The following ST8SIA1 variants were observed in gnomAD, a reference collection of about 807,000 sequenced individuals.
The protein encoded by ST8SIA1 is alpha-N-acetylneuraminide alpha-2,8-sialyltransferase.
A neutral mutation model predicts 35.9 loss-of-function variants in ST8SIA1; 16 were observed. The observed-to-expected ratio is 0.45, with a 90% CI of 0.30 to 0.68. The LOEUF is 0.68. Ranked by LOEUF, ST8SIA1 falls within the 30% of genes least tolerant of loss-of-function variation. The probability of loss-of-function intolerance (pLI) is 0.09; values close to 1 mark genes in which losing one functional copy is unlikely to be tolerated. For missense variants in ST8SIA1, 383 were observed against 453.6 expected, an observed-to-expected ratio of 0.84 and a Z score of 1.41; for synonymous variants, 170 against 169.6, an observed-to-expected ratio of 1.00 and a Z score of -0.02.
At chr12:22,287,722 G>A (rs994668906) in intron 1 of ST8SIA1, among the ~76,000 whole-genome samples, 3 of 152,136 alleles carry the variant, frequency 2.0e-5, no homozygotes, top group Non-Finnish European at 4.4e-5. Context: ...GTTAAATTCA[G>A]TGAAAAGAGA....
rs1864987360 is a variant in ST8SIA1 at position 22,196,307 on chromosome 12, C to G, written c.*5245G>C. The G allele has an allele frequency of 6.6e-6, 1 of 152,044 alleles. No homozygotes were observed. Among genetic ancestry groups the G allele is most frequent in the African/African-American group, 2.4e-5 (1 of 41,394 alleles). The allele number at this position is 152,044 out of a possible 1,614,324, so 9.4% of individuals were successfully genotyped here. A position where few individuals can be genotyped will look rare whatever the true frequency, so the allele number is the denominator to read the frequency against. On this transcript the variant is annotated 3_prime_UTR_variant, in exon 5 of 5. Coordinates refer to ENST00000396037, the MANE Select transcript of ST8SIA1 (RefSeq NM_003034.4). The stretch of plus-strand genomic sequence containing the variant: ...GAGGGAAACAGAAACATGTATTTTC[C>G]CTTACTGAAATGGTGAGCAGGGGCT...
At chr12:22,261,892 T>TG (rs1865796621) in intron 2 of ST8SIA1, among the ~76,000 whole-genome samples, 1 of 152,204 alleles carries the variant, frequency 6.6e-6, no homozygotes, top group Non-Finnish European at 1.5e-5. Flanking sequence ...GGAGCTGTTA[T>TG]GGATGCTGAA....
chr12:22,206,474 G>A (rs1865111725), intron 4 of ST8SIA1, among the ~76,000 whole-genome samples: 1 of 152,200 alleles, frequency 6.6e-6, no homozygotes, highest in South Asian at 2.1e-4. Flanking sequence ...CACCGTGTAT[G>A]TGGAAGGACG....
intron 2 of ST8SIA1, among the ~76,000 whole-genome samples, chr12:22,279,413 C>T (rs1192529526): frequency 2.0e-5 from 3 of 152,174 alleles, no homozygotes; most frequent in Non-Finnish European, 4.4e-5. Context: ...CTAATTTTGG[C>T]CCCAGTGCTA....
intron 4 of ST8SIA1, among the ~76,000 whole-genome samples, chr12:22,230,915 A>C (rs1865411835): frequency 6.6e-6 from 1 of 151,990 alleles, no homozygotes; most frequent in South Asian, 2.1e-4. Flanking sequence ...TCTTTAATAA[A>C]CATTAAGATC....
chr12:22,274,161 G>C (rs533160339), intron 2 of ST8SIA1, among the ~76,000 whole-genome samples: 2 of 152,340 alleles, frequency 1.3e-5, no homozygotes, highest in South Asian at 4.1e-4. Flanking sequence ...AAGCAACATT[G>C]TGGAAATTGA....
intron 3 of ST8SIA1, among the ~76,000 whole-genome samples, chr12:22,250,178 T>TA (rs1387406675): frequency 1.3e-5 from 2 of 152,170 alleles, no homozygotes; most frequent in Non-Finnish European, 2.9e-5. Flanking sequence ...CAATGGGAAA[T>TA]ATGACCACTG....
At chr12:22,246,472 C>T (rs1469447430) in intron 4 of ST8SIA1, among the ~76,000 whole-genome samples, 1 of 152,058 alleles carries the variant, frequency 6.6e-6, no homozygotes, top group East Asian at 1.9e-4. Flanking sequence ...CGTACAATGC[C>T]TAAAATCTTT....
chr12:22,246,929 T>C (rs894263308), intron 4 of ST8SIA1, among the ~76,000 whole-genome samples: 3 of 152,246 alleles, frequency 2.0e-5, no homozygotes, highest in African/African-American at 7.2e-5. Context: ...TTAGTAATAA[T>C]GATTCTTGCT....
At chr12:22,292,248 C>T (rs928057438) in intron 1 of ST8SIA1, among the ~76,000 whole-genome samples, 1 of 152,116 alleles carries the variant, frequency 6.6e-6, no homozygotes, top group Admixed American at 6.6e-5. Context: ...CATGAGAAAT[C>T]ATCTTTGATC....
chr12:22,248,298 A>G (rs1865627541), intron 4 of ST8SIA1, among the ~76,000 whole-genome samples: 1 of 147,108 alleles, frequency 6.8e-6, no homozygotes, highest in African/African-American at 2.5e-5. Context: ...GCAATGCTTG[A>G]TTCCTCTTTC....
chr12:22,267,486 T>A (rs1437513112), intron 2 of ST8SIA1, among the ~76,000 whole-genome samples: 2 of 152,192 alleles, frequency 1.3e-5, no homozygotes, highest in African/African-American at 4.8e-5. Flanking sequence ...GTATCTGCCA[T>A]CCTTTCTTAC....
chr12:22,281,779 C>T lies in ST8SIA1; in HGVS notation c.381+5370G>A, dbSNP rs978455794. Among the ~76,000 whole-genome samples, 4 of 149,006 alleles carry T rather than the reference C, an allele frequency of 2.7e-5. No individual in the cohort carries two copies. In the South Asian group the frequency reaches 8.6e-4, roughly 32 times the overall value. The stretch of plus-strand genomic sequence containing the variant: ...GGGTGGATTAGTTGAGCCCAGCATT[C>T]CTAGACCAGCCTGGTCAACATAACA... On this transcript the variant is annotated intron_variant, in intron 2 of 4. Transcript: ENST00000396037.
At chr12:22,206,510 G>T (rs951025242) in intron 4 of ST8SIA1, among the ~76,000 whole-genome samples, 4 of 152,150 alleles carry the variant, frequency 2.6e-5, no homozygotes, top group African/African-American at 9.7e-5. Flanking sequence ...AGGAAGAGTG[G>T]GTAGGTGTCC....
At chr12:22,304,088 G>A (rs1171413311) in intron 1 of ST8SIA1, among the ~76,000 whole-genome samples, 2 of 151,992 alleles carry the variant, frequency 1.3e-5, no homozygotes, top group Non-Finnish European at 2.9e-5. Context: ...CAATAGCCTG[G>A]GTTTGTTTCC....
rs2135852236 is a variant in ST8SIA1 at position 22,334,256 on chromosome 12, G to A, written c.-24C>T. ...ATCGCAGCCCCGGCGTCCCAGGGGC[G>A]GGGGCCGGGGCCTCAGCACAAAGCT... is the stretch of plus-strand genomic sequence containing the variant. On this transcript the variant is annotated 5_prime_UTR_variant, in exon 1 of 5. Transcript: ENST00000396037. 6.3e-7 allele frequency: 1 copy of A among 1,590,604 alleles called. No individual in the cohort carries two copies. Among genetic ancestry groups the A allele is most frequent in the Admixed American group, 1.7e-5 (1 of 59,248 alleles).
intron 4 of ST8SIA1, among the ~76,000 whole-genome samples, chr12:22,226,433 A>T (rs1326423481): frequency 6.6e-6 from 1 of 152,186 alleles, no homozygotes; most frequent in Non-Finnish European, 1.5e-5. Flanking sequence ...TTTACCTGGA[A>T]TGTAACTAAG....
chr12:22,305,608 T>C lies in ST8SIA1; in HGVS notation c.237-18315A>G, dbSNP rs145393034. 9.6e-3 allele frequency among the ~76,000 whole-genome samples: 1,463 copies of C among 152,234 alleles called. 21 individuals are homozygous for C. Among genetic ancestry groups the C allele is most frequent in the African/African-American group, 0.033 (1,377 of 41,538 alleles). On this transcript the variant is annotated intron_variant, in intron 1 of 4. Coordinates refer to ENST00000396037, the MANE Select transcript of ST8SIA1 (RefSeq NM_003034.4). The stretch of plus-strand genomic sequence containing the variant: ...GTTGGTCAGGCTGTCCTCGAACTCC[T>C]GACCTCAGGTGACCCACCTGCCTCG...
intron 1 of ST8SIA1, among the ~76,000 whole-genome samples, chr12:22,299,572 A>C (rs1191931753): frequency 6.6e-6 from 1 of 152,132 alleles, no homozygotes; most frequent in Admixed American, 6.6e-5. Flanking sequence ...TTATTAAAAA[A>C]ATTTTTATAT....
Sources: gnomAD v4.1 joint callset for allele counts (sites outside exome capture counted in the v4.1 genomes callset) on GRCh38, gnomAD v4.1.1 for gene constraint, MANE v1.5 for transcripts, NCBI Gene and HGNC (gene_info 2026-07-23, HGNC 2026-07-21) for gene names.